The following KCNQ1 variants were observed in gnomAD, a reference collection of about 807,000 sequenced individuals.
The protein encoded by KCNQ1 is potassium voltage-gated channel subfamily KQT member 1.
A neutral mutation model predicts 72.4 loss-of-function variants in KCNQ1; 49 were observed. The ratio of observed to expected loss-of-function variants is 0.68; its 90% CI spans 0.54 to 0.86. The LOEUF (loss-of-function observed/expected upper bound fraction) is 0.86. Ranked by LOEUF, KCNQ1 falls within the 40% of genes least tolerant of loss-of-function variation. The probability of loss-of-function intolerance (pLI) is 0.00; values close to 1 mark genes in which losing one functional copy is unlikely to be tolerated. For synonymous variants in KCNQ1, 450 were observed against 412.6 expected (o/e 1.09, Z -1.10); for missense variants, 790 against 945.1 (o/e 0.84, Z 2.15).
rs1847266908 is a variant in KCNQ1 at position 2,515,095 on chromosome 11, G to T, written c.387-12833G>T. On this transcript the variant is annotated intron_variant, in intron 1 of 15. Coordinates refer to ENST00000155840, the MANE Select transcript of KCNQ1 (RefSeq NM_000218.3). This position sits in a 1 kb window ranked among gnomAD's most constrained non-coding sequence, Gnocchi z 4.7. ...TTGTCTGTTACGTGCGTAATGGTGG[G>T]GTTTGGGCTTCTCGTGCGCCCATCA... 6.6e-6 allele frequency among the ~76,000 whole-genome samples: 1 copy of T among 152,094 alleles called. No individual in the cohort carries two copies. The highest frequency in any genetic ancestry group is 2.4e-5 in the African/African-American group (1 of 41,406).
rs891739990 is a variant in KCNQ1 at position 2,482,874 on chromosome 11, G to A, written c.386+37390G>A. Among the ~76,000 whole-genome samples, 5 of 152,188 alleles carry A rather than the reference G, an allele frequency of 3.3e-5. No homozygotes were observed. The highest frequency in any genetic ancestry group is 1.2e-4 in the African/African-American group (5 of 41,444). On this transcript the variant is annotated intron_variant, in intron 1 of 15. Coordinates refer to ENST00000155840, the MANE Select transcript of KCNQ1 (RefSeq NM_000218.3). The surrounding 1 kb of genome is among the most constrained non-coding windows in gnomAD (Gnocchi z 5.7). The stretch of plus-strand genomic sequence containing the variant: ...GTTGGGGAAACCAGGAGTGAGTGGA[G>A]CACGAGGGTCACCCTCCAGGAAGTG...
At position 2,734,496 on chromosome 11, in the gene KCNQ1, G is replaced by A. The variant is rs554992008; in HGVS notation, c.1515-34348G>A. ...GGATCCTTGGTGATGGGCAGAATGT[G>A]GGGAGCAGGGTAGGACGGGCCCCTT... is the stretch of plus-strand genomic sequence containing the variant. On this transcript the variant is annotated intron_variant, in intron 11 of 15. Coordinates refer to ENST00000155840, the MANE Select transcript of KCNQ1 (RefSeq NM_000218.3). The surrounding 1 kb of genome is among the most constrained non-coding windows in gnomAD (Gnocchi z 7.0). 1.3e-5 allele frequency among the ~76,000 whole-genome samples: 2 copies of A among 152,330 alleles called. No individual in the cohort carries two copies. The highest frequency in any genetic ancestry group is 4.8e-5 in the African/African-American group (2 of 41,586).
intron 11 of KCNQ1, among the ~76,000 whole-genome samples, chr11:2,719,706 G>T (rs1003307608): frequency 2.6e-5 from 4 of 152,210 alleles, no homozygotes; most frequent in Non-Finnish European, 4.4e-5. Context: ...AGGAAGTCCT[G>T]CCCTCGGATC....
intron 15 of KCNQ1, among the ~76,000 whole-genome samples, chr11:2,797,474 T>C (rs1476434493): frequency 2.0e-5 from 3 of 152,178 alleles, no homozygotes; most frequent in Non-Finnish European, 2.9e-5. Flanking sequence ...GGCCTCTTCC[T>C]AGCAGACCTT....
rs1488081757 is a variant in KCNQ1, at chr11:2,462,974, A to G, written c.386+17490A>G. ...AAGGCTGTGGGCCCTTGGGTGGAAG[A>G]GTCTTGGGTGAGGCCCCTGAACTGG... On this transcript the variant is annotated intron_variant, in intron 1 of 15. Transcript: ENST00000155840. This position sits in a 1 kb window ranked among gnomAD's most constrained non-coding sequence, Gnocchi z 8.2. Among the ~76,000 whole-genome samples the G allele has an allele frequency of 6.6e-6, 1 of 151,798 alleles. No homozygotes were observed. The highest frequency in any genetic ancestry group is 1.5e-5 in the Non-Finnish European group (1 of 67,940).
At position 2,679,700 on chromosome 11, in the gene KCNQ1, T is replaced by A. The variant is rs1444454245; in HGVS notation, c.1514+17619T>A. 4 of 398,564 alleles carry A rather than the reference T, an allele frequency of 1.0e-5. No homozygotes were observed. The highest frequency in any genetic ancestry group is 8.2e-5 in the African/African-American group (4 of 48,724). 24.7% of individuals were successfully genotyped at this position (398,564 alleles called of 1,614,324 possible). On this transcript the variant is annotated intron_variant, in intron 11 of 15. Transcript: ENST00000155840. This position sits in a 1 kb window ranked among gnomAD's most constrained non-coding sequence, Gnocchi z 4.8. ...GATCCCAGATTAGATTTTTTTTAAA[T>A]CAGCCGTTCTCTGTATTCTTGTCCA...
rs953463902 is a variant in KCNQ1, at chr11:2,611,999, T to C, written c.1393+23145T>C. On this transcript the variant is annotated intron_variant, in intron 10 of 15. Transcript: ENST00000155840. This position sits in a 1 kb window ranked among gnomAD's most constrained non-coding sequence, Gnocchi z 5.3. ...CCTTCTCAGTACTCTTATTAACACA[T>C]ATGTTGTTACTCCTTAATTCCACAT... 1.0e-5 allele frequency: 4 copies of C among 398,684 alleles called. No homozygotes were observed. The highest frequency in any genetic ancestry group is 2.1e-5 in the African/African-American group (1 of 48,776). The allele number at this position is 398,684 out of a possible 1,614,324, so 24.7% of individuals were successfully genotyped here.
Position 2,746,886 on chromosome 11 carries a change from C to T in KCNQ1, c.1515-21958C>T, listed in dbSNP as rs1466786546. 2.6e-5 allele frequency among the ~76,000 whole-genome samples: 4 copies of T among 152,240 alleles called. No individual in the cohort carries two copies. The highest frequency in any genetic ancestry group is 5.9e-5 in the Non-Finnish European group (4 of 68,036). On this transcript the variant is annotated intron_variant, in intron 11 of 15. Transcript: ENST00000155840. This position sits in a 1 kb window ranked among gnomAD's most constrained non-coding sequence, Gnocchi z 5.9. ...CTGTGAGCCCCACTGGGGACAGATC[C>T]AGGAAGGGACCTCCTGGGAATGAGG...
chr11:2,798,549 GA>G (rs34275888), intron 15 of KCNQ1, among the ~76,000 whole-genome samples: 36,244 of 141,864 alleles, frequency 0.26, 4,840 homozygotes, highest in African/African-American at 0.39. Flanking sequence ...CGAGTTCCCT[GA>G]AAAAAAAAAA....
intron 2 of KCNQ1, among the ~76,000 whole-genome samples, chr11:2,556,931 A>T (rs977863295): frequency 6.6e-6 from 1 of 152,250 alleles, no homozygotes. Context: ...GTCAAATAGC[A>T]AATATAAGGA....
chr11:2,645,587 C>G lies in KCNQ1; in HGVS notation c.1394-16374C>G. 1 of 398,710 alleles carries G rather than the reference C, an allele frequency of 2.5e-6. No individual in the cohort carries two copies. Among genetic ancestry groups the G allele is most frequent in the Non-Finnish European group, 4.4e-6 (1 of 226,126 alleles). The allele number at this position is 398,710 out of a possible 1,614,324, so 24.7% of individuals were successfully genotyped here. On this transcript the variant is annotated intron_variant, in intron 10 of 15. Coordinates refer to ENST00000155840, the MANE Select transcript of KCNQ1 (RefSeq NM_000218.3). The surrounding 1 kb of genome is among the most constrained non-coding windows in gnomAD (Gnocchi z 5.8). ...GCTATAAACAGGCAGTTGGGCAATG[C>G]ATGCTTCGGCCCCAGGTGGTGACTA...
Position 2,679,465 on chromosome 11 carries a change from T to G in KCNQ1, c.1514+17384T>G. The G allele has an allele frequency of 2.5e-6, 1 of 398,608 alleles. No individual in the cohort carries two copies. The highest frequency in any genetic ancestry group is 4.4e-6 in the Non-Finnish European group (1 of 226,062). 24.7% of individuals were successfully genotyped at this position (398,608 alleles called of 1,614,324 possible). On this transcript the variant is annotated intron_variant, in intron 11 of 15. Coordinates refer to ENST00000155840, the MANE Select transcript of KCNQ1 (RefSeq NM_000218.3). The surrounding 1 kb of genome is among the most constrained non-coding windows in gnomAD (Gnocchi z 4.8). ...GATTACACAAATTAATAATATAAAGTATGCAGAAAAGTGCCTGTCCTATAG... is the reference window on the plus strand; with the variant it reads ...GATTACACAAATTAATAATATAAAGGATGCAGAAAAGTGCCTGTCCTATAG...
Position 2,473,067 on chromosome 11 carries a change from G to A in KCNQ1, c.386+27583G>A, listed in dbSNP as rs981929594. Among the ~76,000 whole-genome samples the A allele has an allele frequency of 1.3e-5, 2 of 152,104 alleles. No individual in the cohort carries two copies. The highest frequency in any genetic ancestry group is 2.9e-5 in the Non-Finnish European group (2 of 68,024). On this transcript the variant is annotated intron_variant, in intron 1 of 15. Transcript: ENST00000155840. The surrounding 1 kb of genome is among the most constrained non-coding windows in gnomAD (Gnocchi z 6.0). ...CCTCCAGATCATGTCCCTGAGTGGG[G>A]AGCGCCTTCTGGGCAGAGTGGCACA...
chr11:2,640,938 G>A, intron 10 of KCNQ1: 1 of 399,030 alleles, frequency 2.5e-6, no homozygotes, highest in Non-Finnish European at 4.4e-6. Context: ...TTATCTTTCT[G>A]TGCCTGGCTT....
chr11:2,848,382 T>G lies in KCNQ1; in HGVS notation c.*379T>G. On this transcript the variant is annotated 3_prime_UTR_variant, in exon 16 of 16. Coordinates refer to ENST00000155840, the MANE Select transcript of KCNQ1 (RefSeq NM_000218.3). ...GCCCACCCTGCTTGGCCCAGGGGGCTTCCTGAGGGGAGACAGAGCAACCCC... is the reference window on the plus strand; with the variant it reads ...GCCCACCCTGCTTGGCCCAGGGGGCGTCCTGAGGGGAGACAGAGCAACCCC... 1 of 503,678 alleles carries G rather than the reference T, an allele frequency of 2.0e-6. No individual in the cohort carries two copies. The highest frequency in any genetic ancestry group is 3.9e-6 in the Non-Finnish European group (1 of 259,250). The allele number at this position is 503,678 out of a possible 1,614,324, so 31.2% of individuals were successfully genotyped here.
Position 2,783,036 on chromosome 11 carries a change from C to T in KCNQ1, c.1794+4999C>T, listed in dbSNP as rs932754826. On this transcript the variant is annotated intron_variant, in intron 15 of 15. Transcript: ENST00000155840. This position sits in a 1 kb window ranked among gnomAD's most constrained non-coding sequence, Gnocchi z 5.2. Reference sequence around the variant, plus strand: ...TTTCAGGCTTCCTAAATTTCCTTTTCGTTTTAATTTTTCTAACCACTGTCA... The same window carrying T: ...TTTCAGGCTTCCTAAATTTCCTTTTTGTTTTAATTTTTCTAACCACTGTCA... Among the ~76,000 whole-genome samples, 3 of 152,184 alleles carry T rather than the reference C, an allele frequency of 2.0e-5. No individual in the cohort carries two copies. The highest frequency in any genetic ancestry group is 1.9e-4 in the East Asian group (1 of 5,188).
chr11:2,718,695 T>C (rs976933243), intron 11 of KCNQ1, among the ~76,000 whole-genome samples: 10 of 152,246 alleles, frequency 6.6e-5, no homozygotes, highest in African/African-American at 2.4e-4. Context: ...CTTATATCTG[T>C]CAGGGGAAGG....
At chr11:2,631,266 T>C (rs1348429319) in intron 10 of KCNQ1, 3 of 398,416 alleles carry the variant, frequency 7.5e-6, no homozygotes, top group Non-Finnish European at 1.3e-5. Context: ...AAACTTCCCT[T>C]GTTACCTTTT....
In KCNQ1 at chr11:2,468,428, T is replaced by G. The variant is rs1430295897; in HGVS notation, c.386+22944T>G. Among the ~76,000 whole-genome samples the G allele has an allele frequency of 6.6e-6, 1 of 152,178 alleles. No homozygotes were observed. The highest frequency in any genetic ancestry group is 6.5e-5 in the Admixed American group (1 of 15,280). On this transcript the variant is annotated intron_variant, in intron 1 of 15. Coordinates refer to ENST00000155840, the MANE Select transcript of KCNQ1 (RefSeq NM_000218.3). The surrounding 1 kb of genome is among the most constrained non-coding windows in gnomAD (Gnocchi z 5.7). The stretch of plus-strand genomic sequence containing the variant: ...TCCCAAAGTGCTGGGATTACAGGCA[T>G]GCACTTTTTTTTTCTAAGTAGCTTT...
Sources: allele counts gnomAD v4.1 joint callset (sites outside exome capture counted in the v4.1 genomes callset), GRCh38; gene constraint gnomAD v4.1.1; non-coding constraint Gnocchi (gnomAD v3.1); transcripts MANE v1.5; gene names NCBI Gene and HGNC (gene_info 2026-07-23, HGNC 2026-07-21).